The following MYRFL variants were observed in gnomAD, a reference collection of about 807,000 sequenced individuals.
MYRFL encodes the protein myelin regulatory factor like, also known as myelin regulatory factor-like protein.
A neutral mutation model predicts 109.4 loss-of-function variants in MYRFL; 88 were observed. The ratio of observed to expected loss-of-function variants is 0.80; its 90% CI spans 0.68 to 0.96. MYRFL has a LOEUF of 0.96. MYRFL is among the 40% of genes least tolerant of loss of function. The pLI is 0.00. For missense variants in MYRFL, 957 were observed against 954.9 expected, an observed-to-expected ratio of 1.00 and a Z score of -0.03; for synonymous variants, 324 against 320.9, an observed-to-expected ratio of 1.01 and a Z score of -0.10.
At chr12:69,896,575 A>G (rs1333706237) in intron 9 of MYRFL, among the ~76,000 whole-genome samples, 5 of 152,212 alleles carry the variant, frequency 3.3e-5, no homozygotes, top group African/African-American at 1.2e-4. Context: ...CTTGGAAGCA[A>G]TTGAAGGGGA....
intron 13 of MYRFL, among the ~76,000 whole-genome samples, chr12:69,916,818 T>G (rs1310815558): frequency 3.3e-5 from 5 of 152,196 alleles, no homozygotes. Context: ...CATTTATATT[T>G]GAAAAATATT....
chr12:69,837,224 G>A (rs1004844140), intron 1 of MYRFL, among the ~76,000 whole-genome samples: 1 of 152,144 alleles, frequency 6.6e-6, no homozygotes, highest in Non-Finnish European at 1.5e-5. Context: ...CCGTATTCTA[G>A]AACGAGATGC....
chr12:69,862,654 G>A (rs1226298254), intron 2 of MYRFL, among the ~76,000 whole-genome samples: 1 of 151,750 alleles, frequency 6.6e-6, no homozygotes, highest in African/African-American at 2.4e-5. Context: ...TTTGGGCTGA[G>A]ACAATGGGGT....
At chr12:69,933,959 A>G (rs1227571317) in intron 16 of MYRFL, among the ~76,000 whole-genome samples, 4 of 152,174 alleles carry the variant, frequency 2.6e-5, no homozygotes, top group African/African-American at 9.7e-5. Context: ...GGCCTGTGGT[A>G]TACCTGAGTA....
At chr12:69,859,826 C>A (rs567188273) in intron 2 of MYRFL, among the ~76,000 whole-genome samples, 1 of 151,900 alleles carries the variant, frequency 6.6e-6, no homozygotes, top group Non-Finnish European at 1.5e-5. Context: ...TTGGTAGGAA[C>A]GTAAACTAGT....
At chr12:69,883,324 A>G (rs543820802) in intron 5 of MYRFL, among the ~76,000 whole-genome samples, 69 of 152,312 alleles carry the variant, frequency 4.5e-4, no homozygotes, top group Non-Finnish European at 7.9e-4. Context: ...CAACCCATAG[A>G]TTCCATCCCT....
chr12:69,916,387 C>T (rs1021103842), intron 13 of MYRFL, among the ~76,000 whole-genome samples: 5 of 151,980 alleles, frequency 3.3e-5, no homozygotes, highest in Non-Finnish European at 5.9e-5. Flanking sequence ...ACATGATGGA[C>T]CTTGGGGACT....
chr12:69,854,181 C>CA (rs1361703158), intron 1 of MYRFL, among the ~76,000 whole-genome samples: 11 of 152,078 alleles, frequency 7.2e-5, no homozygotes, highest in Non-Finnish European at 1.5e-4. Context: ...CCGTCTCCAC[C>CA]AAAAAATACA....
At chr12:69,828,796 AC>A (rs1274363283) in intron 1 of MYRFL, among the ~76,000 whole-genome samples, 11 of 151,980 alleles carry the variant, frequency 7.2e-5, no homozygotes, top group African/African-American at 2.2e-4. Flanking sequence ...ATAATCTTAG[AC>A]TCTTAATTTG....
chr12:69,911,353 A>T (rs549536019), intron 13 of MYRFL, among the ~76,000 whole-genome samples: 1 of 152,370 alleles, frequency 6.6e-6, no homozygotes, highest in East Asian at 1.9e-4. Flanking sequence ...TTATAATTAC[A>T]CAATGTGTTT....
rs1314992088 is a variant in MYRFL, at chr12:69,936,161, C to A, written c.1965C>A (p.Asp655Glu). The A allele has an allele frequency of 1.4e-6, 2 of 1,446,126 alleles. No homozygotes were observed. The highest frequency in any genetic ancestry group is 2.2e-5 in the Admixed American group (1 of 44,748). The allele number at this position is 1,446,126 out of a possible 1,614,324, so 89.6% of individuals were successfully genotyped here. The change falls in exon 17 of 25, where the codon GAC becomes GAA. Residue 655 changes from aspartate (D) to glutamate (E), a missense_variant. Coordinates refer to ENST00000552032, the MANE Select transcript of MYRFL (RefSeq NM_182530.3). ...ATATACTTAGCTTAAAAGATCAAGA[C>A]CGACGTGTCCCAAATCTCCCTCCAA... The part of the protein sequence containing the change: ...ALYILSLKDQ[D>E]RRVPNLPPSN...
At chr12:69,898,768 A>ATT (rs1016553985) in intron 10 of MYRFL, among the ~76,000 whole-genome samples, 4 of 152,210 alleles carry the variant, frequency 2.6e-5, no homozygotes, top group Non-Finnish European at 5.9e-5. Context: ...ACTTGGAATA[A>ATT]TTTACCTAGT....
In MYRFL at chr12:69,893,837, T is replaced by C; in HGVS notation, c.977T>C (p.Val326Ala). ...ADRSKKIFNP[V>A]KIDLLADQVT... Reference sequence around the variant, plus strand: ...AGGAGCAAAAAGATTTTCAATCCTGTTAAGTAAGAATTTATTTTCTGAATT... The same window carrying C: ...AGGAGCAAAAAGATTTTCAATCCTGCTAAGTAAGAATTTATTTTCTGAATT... The change falls in exon 8 of 25, where the codon GTT becomes GCT. Residue 326 changes from valine to alanine, a missense_variant. By Grantham distance (64) the Val-to-Ala change is moderately conservative. Transcript: ENST00000552032. The C allele has an allele frequency of 7.4e-7, 1 of 1,351,402 alleles. No homozygotes were observed. Among genetic ancestry groups the C allele is most frequent in the Non-Finnish European group, 9.5e-7 (1 of 1,049,324 alleles). 83.7% of individuals were successfully genotyped at this position (1,351,402 alleles called of 1,614,324 possible). A position where few individuals can be genotyped will look rare whatever the true frequency, so the allele number is the denominator to read the frequency against.
Position 69,936,107 on chromosome 12 carries a change from T to TAAATTG in MYRFL, c.1917-6_1917-5insAAATTG. On this transcript the variant is annotated splice_region_variant and splice_polypyrimidine_tract_variant and intron_variant, in intron 16 of 24. Transcript: ENST00000552032. The stretch of plus-strand genomic sequence containing the variant: ...TTTTTTTTTTTTTTTTTTTTTTTTT[T>TAAATTG]GACAGTGCTTTGACGATAGTTGCCC... The TAAATTG allele has an allele frequency of 1.4e-6, 1 of 739,072 alleles. No individual in the cohort carries two copies. The highest frequency in any genetic ancestry group is 2.0e-6 in the Non-Finnish European group (1 of 508,878). 45.8% of individuals were successfully genotyped at this position (739,072 alleles called of 1,614,324 possible). A position where few individuals can be genotyped will look rare whatever the true frequency, so the allele number is the denominator to read the frequency against.
chr12:69,957,953 C>G lies in MYRFL; in HGVS notation c.2571+11C>G. On this transcript the variant is annotated intron_variant, in intron 23 of 24. Transcript: ENST00000552032. ...CAGGAGATGACACAGGTAATGTTTT[C>G]TGCCTCCTCTCTTCCCCGCTGAGAG... is the stretch of plus-strand genomic sequence containing the variant. The G allele has an allele frequency of 6.5e-7, 1 of 1,527,188 alleles. No homozygotes were observed. Among genetic ancestry groups the G allele is most frequent in the Non-Finnish European group, 8.8e-7 (1 of 1,140,016 alleles). The allele number at this position is 1,527,188 out of a possible 1,614,324, so 94.6% of individuals were successfully genotyped here. A position where few individuals can be genotyped will look rare whatever the true frequency, so the allele number is the denominator to read the frequency against.
At position 69,936,078 on chromosome 12, in the gene MYRFL, GTTTTTTTTTT is replaced by G. The variant is rs71098067; in HGVS notation, c.1917-15_1917-6del. 169 of 893,792 alleles carry G rather than the reference GTTTTTTTTTT, an allele frequency of 1.9e-4. 1 individual carries two copies. Among genetic ancestry groups the G allele is most frequent in the African/African-American group, 8.5e-4 (28 of 32,750 alleles). The allele number at this position is 893,792 out of a possible 1,614,324, so 55.4% of individuals were successfully genotyped here. On this transcript the variant is annotated intron_variant, in intron 16 of 24. Coordinates refer to ENST00000552032, the MANE Select transcript of MYRFL (RefSeq NM_182530.3). ...TCTGGAAACAAATCTGCCACATAAT[GTTTTTTTTTT>G]TTTTTTTTTTTTTTTTTTTGACAGT...
intron 1 of MYRFL, among the ~76,000 whole-genome samples, chr12:69,841,683 G>A (rs974136052): frequency 1.6e-4 from 24 of 152,198 alleles, no homozygotes; most frequent in African/African-American, 4.1e-4. Context: ...GTTGACCCCC[G>A]CTCTTAGAAG....
chr12:69,873,537 T>C (rs1204662250), intron 2 of MYRFL, among the ~76,000 whole-genome samples: 1 of 152,224 alleles, frequency 6.6e-6, no homozygotes. Flanking sequence ...TAAAGGTTAC[T>C]TGAACACAAG....
At chr12:69,899,925 C>T (rs1324270131) in intron 10 of MYRFL, among the ~76,000 whole-genome samples, 1 of 152,156 alleles carries the variant, frequency 6.6e-6, no homozygotes, top group Non-Finnish European at 1.5e-5. Flanking sequence ...GAGCATTTCC[C>T]AGTGGAGTTC....
Sources: allele counts gnomAD v4.1 joint callset (sites outside exome capture counted in the v4.1 genomes callset), GRCh38; gene constraint gnomAD v4.1.1; transcripts MANE v1.5; gene names NCBI Gene and HGNC (gene_info 2026-07-23, HGNC 2026-07-21).